HNRNPUL1: variants seen among roughly 807,000 people sequenced by gnomAD.
HNRNPUL1 encodes the protein heterogeneous nuclear ribonucleoprotein U-like protein 1.
HNRNPUL1 carries 14 observed loss-of-function variants against 108.5 expected under a neutral mutation model. The observed-to-expected ratio is 0.13, with a 90% confidence interval of 0.09 to 0.20. The LOEUF (loss-of-function observed/expected upper bound fraction) is 0.20, where lower values mean the gene tolerates loss of function less well. Among genes scored for constraint, HNRNPUL1 ranks in the 10% least tolerant of loss-of-function variants. The pLI is 1.00. For synonymous variants in HNRNPUL1, 422 were observed against 445.2 expected, an observed-to-expected ratio of 0.95 and a Z score of 0.66; for missense variants, 804 against 1,168.3, an observed-to-expected ratio of 0.69 and a Z score of 4.55.
chr19:41,298,098 A>G (rs1307717594), intron 10 of HNRNPUL1, among the ~76,000 whole-genome samples: 1 of 152,178 alleles, frequency 6.6e-6, no homozygotes, highest in African/African-American at 2.4e-5. Flanking sequence ...TCCTGCTGCC[A>G]GTATGACCCT....
rs147281768 is a variant in HNRNPUL1, at chr19:41,302,911, G to A, written c.1934G>A (p.Arg645Gln). ...GGCAACCGTGGCGGCTTCCAGAACC[G>A]AGGGGGAGGCAGCGGTGGAGGAGGC... ...PGGNRGGFQN[R>Q]GGGSGGGGNY... is the part of the protein sequence containing the mutation. Residue 645 changes from arginine (R) to glutamine (Q), a missense_variant, in exon 12 of 15, where the codon CGA becomes CAA. Around this residue, in one of 4 missense-constraint regions of HNRNPUL1, gnomAD observed 294 missense variants for 388.3 expected, o/e 0.76. Transcript: ENST00000392006. 82 of 1,533,776 alleles carry A rather than the reference G, an allele frequency of 5.3e-5. No individual in the cohort carries two copies. The highest frequency in any genetic ancestry group is 6.8e-5 in the Non-Finnish European group (78 of 1,141,606).
chr19:41,305,568 C>G (rs2037494295), intron 13 of HNRNPUL1, 108 bp from the exon 14 acceptor site: 1 of 1,348,882 alleles, frequency 7.4e-7, no homozygotes, highest in South Asian at 1.3e-5. Flanking sequence ...AAGGGAAGGG[C>G]CCCTGTGGGC....
chr19:41,287,160 T>G (rs114600717), intron 7 of HNRNPUL1, among the ~76,000 whole-genome samples: 1,541 of 151,786 alleles, frequency 0.01, 25 homozygotes, highest in African/African-American at 0.036. Context: ...GGATCACAGG[T>G]GCACACCACG....
At position 41,272,422 on chromosome 19, in the gene HNRNPUL1, C is replaced by G. The variant is rs963417224; in HGVS notation, c.572+187C>G. ...TTTCCTAAACTTTTGGTCCTTCCCC[C>G]AGTTCCTCCCTTCTTACCTGCAGGG... On this transcript the variant is annotated intron_variant, in intron 3 of 14. Coordinates refer to ENST00000392006, the MANE Select transcript of HNRNPUL1 (RefSeq NM_007040.6). 12 of 573,902 alleles carry G rather than the reference C, an allele frequency of 2.1e-5. No individual in the cohort carries two copies. In the Admixed American group the frequency reaches 3.2e-4, roughly 15 times the overall value. The allele number at this position is 573,902 out of a possible 1,614,324, so 35.6% of individuals were successfully genotyped here. A position where few individuals can be genotyped will look rare whatever the true frequency, so the allele number is the denominator to read the frequency against.
intron 10 of HNRNPUL1, among the ~76,000 whole-genome samples, chr19:41,300,913 A>G (rs528945700): frequency 1.3e-5 from 2 of 152,356 alleles, no homozygotes; most frequent in Admixed American, 6.5e-5. Flanking sequence ...GTTAATAAGA[A>G]CAAACTACAA....
chr19:41,305,980 T>G, intron 14 of HNRNPUL1, 113 bp downstream of exon 14: 6 of 740,836 alleles, frequency 8.1e-6, no homozygotes, highest in Non-Finnish European at 1.1e-5. Flanking sequence ...CCTGCTGGCC[T>G]CGGCCTGGCG....
intron 6 of HNRNPUL1, 56 bp downstream of exon 6, chr19:41,279,232 G>A: frequency 8.2e-7 from 1 of 1,214,374 alleles, no homozygotes; most frequent in Non-Finnish European, 1.2e-6. Context: ...CCTACCCTTG[G>A]ATTTTCAAGG....
At chr19:41,267,984 A>G in intron 1 of HNRNPUL1, 1 of 378,790 alleles carries the variant, frequency 2.6e-6, no homozygotes, top group South Asian at 4.2e-5. Flanking sequence ...AATCATATTA[A>G]ATTTTTGTGT....
intron 7 of HNRNPUL1, among the ~76,000 whole-genome samples, chr19:41,288,499 C>T (rs1033502452): frequency 2.0e-5 from 3 of 152,144 alleles, no homozygotes; most frequent in African/African-American, 7.2e-5. Flanking sequence ...CCTCCTTGGC[C>T]TCCCAAAGTG....
In HNRNPUL1 at chr19:41,302,728, G is replaced by A. The variant is rs1310212698; in HGVS notation, c.1751G>A (p.Arg584Gln). The A allele has an allele frequency of 5.0e-6, 8 of 1,614,164 alleles. No individual in the cohort carries two copies. The Middle Eastern group carries it at 4.9e-4, about 100-fold the overall frequency. The change falls in exon 12 of 15, where the codon CGG (arginine) becomes CAG (glutamine). Residue 584 changes from arginine (R) to glutamine (Q), a missense_variant. Transcript: ENST00000392006. ...GAGGTTCTGTTCATTGAGCTGCAGC[G>A]GGAGGAAGCGGACAAGCTAGTGAGG... ...LDEVLFIELQREEADKLVRQY... is the reference protein window; with the variant it reads ...LDEVLFIELQQEEADKLVRQY...
chr19:41,274,315 CAG>C (rs1249260869), intron 4 of HNRNPUL1, among the ~76,000 whole-genome samples: 2 of 152,210 alleles, frequency 1.3e-5, no homozygotes, highest in South Asian at 4.1e-4. Flanking sequence ...GTACTAACCT[CAG>C]AGGATTTTCA....
At position 41,274,423 on chromosome 19, in the gene HNRNPUL1, G is replaced by A. The variant is rs559958442; in HGVS notation, c.646+368G>A. Among the ~76,000 whole-genome samples, 56 of 152,336 alleles carry A rather than the reference G, an allele frequency of 3.7e-4. 2 individuals are homozygous for A. The South Asian group carries it at 9.9e-3, about 27-fold the overall frequency. ...ATCTAATCAGGAAGGGAATCTGAGTGCAGCTGGGGAAACTTAACTCTTTGA... is the reference window on the plus strand; with the variant it reads ...ATCTAATCAGGAAGGGAATCTGAGTACAGCTGGGGAAACTTAACTCTTTGA... On this transcript the variant is annotated intron_variant, in intron 4 of 14. Transcript: ENST00000392006.
chr19:41,269,817 G>A (rs1014257871), intron 2 of HNRNPUL1, among the ~76,000 whole-genome samples: 3 of 151,994 alleles, frequency 2.0e-5, no homozygotes, highest in Non-Finnish European at 4.4e-5. Flanking sequence ...AAAACAGGCC[G>A]AGTGCGATGG....
At chr19:41,282,135 GCCTT>G (rs892051726) in intron 7 of HNRNPUL1, among the ~76,000 whole-genome samples, 3 of 152,038 alleles carry the variant, frequency 2.0e-5, no homozygotes, top group African/African-American at 7.2e-5. Context: ...TTATTCTTTT[GCCTT>G]CCTTCATATT....
intron 4 of HNRNPUL1, 67 bp downstream of exon 4, chr19:41,274,122 T>G: frequency 7.8e-7 from 1 of 1,284,538 alleles, no homozygotes; most frequent in African/African-American, 1.5e-5. Context: ...GGTCTTGACC[T>G]TCACCAGAAT....
intron 13 of HNRNPUL1, 157 bp from the exon 14 acceptor site, chr19:41,305,519 C>A: frequency 5.9e-6 from 5 of 848,428 alleles, no homozygotes; most frequent in Admixed American, 2.3e-5. Context: ...ATGGAGCTGG[C>A]TCTCCTCCTT....
intron 7 of HNRNPUL1, among the ~76,000 whole-genome samples, chr19:41,291,467 T>C (rs2036572414): frequency 2.0e-5 from 3 of 152,132 alleles, no homozygotes; most frequent in African/African-American, 7.2e-5. Context: ...GGGTTTCTTT[T>C]GTTTGTTTTT....
At chr19:41,265,216 T>TG in intron 1 of HNRNPUL1, 3 of 1,503,384 alleles carry the variant, frequency 2.0e-6, no homozygotes, top group Middle Eastern at 1.7e-4. Flanking sequence ...GCGTGTGGGC[T>TG]GGGGGGTGGG....
At chr19:41,303,414 T>G (rs949798673) in intron 12 of HNRNPUL1, among the ~76,000 whole-genome samples, 1 of 146,190 alleles carries the variant, frequency 6.8e-6, no homozygotes, top group African/African-American at 2.6e-5. Context: ...AGTGCAATGG[T>G]GTAATCTCGG....
Sources: allele counts gnomAD v4.1 joint callset (sites outside exome capture counted in the v4.1 genomes callset), GRCh38; gene constraint gnomAD v4.1.1; regional missense constraint gnomAD v4.1.1; transcripts MANE v1.5; gene names NCBI Gene and HGNC (gene_info 2026-07-23, HGNC 2026-07-21).